The following LNX2 variants were observed in gnomAD, a reference collection of about 807,000 sequenced individuals.
LNX2 encodes the protein ligand of numb-protein X 2, also known as ligand of Numb protein X 2.
Under a neutral mutation model 66.2 loss-of-function variants are expected in LNX2, and 35 were observed. The ratio of observed to expected loss-of-function variants is 0.53; its 90% CI spans 0.40 to 0.70. LNX2 has a LOEUF of 0.70. Among genes scored for constraint, LNX2 ranks in the 30% least tolerant of loss-of-function variants. LNX2 has a pLI of 0.00. For synonymous variants in LNX2, 337 were observed against 315.6 expected, an observed-to-expected ratio of 1.07 and a Z score of -0.72; for missense variants, 791 against 850.8, an observed-to-expected ratio of 0.93 and a Z score of 0.87.
intron 7 of LNX2, 130 bp downstream of exon 7, chr13:27,556,106 T>C (rs1016245278): frequency 2.3e-6 from 2 of 851,962 alleles, no homozygotes. Flanking sequence ...TGCTTCCATA[T>C]GCAAGGGACA....
chr13:27,565,490 G>T (rs1040448158), intron 4 of LNX2, among the ~76,000 whole-genome samples: 1 of 152,170 alleles, frequency 6.6e-6, no homozygotes, highest in African/African-American at 2.4e-5. Flanking sequence ...GAAATGAGCT[G>T]TAAGAGTCGC....
chr13:27,571,389 A>G (rs181320996), intron 2 of LNX2, among the ~76,000 whole-genome samples: 1 of 152,352 alleles, frequency 6.6e-6, no homozygotes, highest in Non-Finnish European at 1.5e-5. Context: ...CCCAGATTAT[A>G]CTACAAACAT....
intron 1 of LNX2, among the ~76,000 whole-genome samples, chr13:27,604,176 G>A (rs1182255494): frequency 6.6e-6 from 1 of 152,232 alleles, no homozygotes; most frequent in Non-Finnish European, 1.5e-5. Flanking sequence ...AACCCGGGAG[G>A]TGGAGCTTGC....
chr13:27,581,375 A>G lies in LNX2; in HGVS notation c.329T>C (p.Leu110Ser). The change falls in exon 2 of 10, where the codon TTA (leucine) becomes TCA (serine). Residue 110 changes from leucine (L) to serine (S), a missense_variant. Physicochemically the swap from Leu to Ser is moderately radical, Grantham distance 145. Transcript: ENST00000316334. ...SILVHKLLDK[L>S]LVLCPFSSVC... Reference sequence around the variant, plus strand: ...TGAAGAAAATGGACATAAAACTAATAATTTGTCTAGGAGTTTATGAACTAG... The same window carrying G: ...TGAAGAAAATGGACATAAAACTAATGATTTGTCTAGGAGTTTATGAACTAG... The G allele has an allele frequency of 1.3e-6, 2 of 1,580,588 alleles. No individual in the cohort carries two copies. Among genetic ancestry groups the G allele is most frequent in the Non-Finnish European group, 1.7e-6 (2 of 1,159,306 alleles).
At chr13:27,583,262 G>GTC (rs1955442162) in intron 1 of LNX2, among the ~76,000 whole-genome samples, 1 of 13,408 alleles carries the variant, frequency 7.5e-5, no homozygotes, top group Non-Finnish European at 1.3e-4. Context: ...GTGTGCGCGC[G>GTC]TCCTCTCCAA....
chr13:27,590,907 A>G (rs1398609801), intron 1 of LNX2, among the ~76,000 whole-genome samples: 3 of 152,216 alleles, frequency 2.0e-5, no homozygotes, highest in African/African-American at 4.8e-5. Context: ...CAATAATTTA[A>G]AAAGCATATT....
chr13:27,606,378 G>GAAA (rs61005685), intron 1 of LNX2, among the ~76,000 whole-genome samples: 2 of 118,144 alleles, frequency 1.7e-5, no homozygotes, highest in African/African-American at 3.4e-5. Flanking sequence ...GATTTATAGC[G>GAAA]AAAAAAAAAA....
chr13:27,587,733 G>C (rs1385008912), intron 1 of LNX2, among the ~76,000 whole-genome samples: 6 of 152,176 alleles, frequency 3.9e-5, no homozygotes. Flanking sequence ...GTATAAAGCA[G>C]TGCTGTCGCC....
intron 1 of LNX2, among the ~76,000 whole-genome samples, chr13:27,612,447 G>A (rs1331586547): frequency 6.6e-6 from 1 of 152,188 alleles, no homozygotes. Context: ...AGTCTTCAGT[G>A]ATACCCCACT....
chr13:27,564,512 TAGC>T (rs1420698165), intron 4 of LNX2, among the ~76,000 whole-genome samples: 1 of 152,188 alleles, frequency 6.6e-6, no homozygotes, highest in Non-Finnish European at 1.5e-5. Context: ...TAATTTATAA[TAGC>T]AGTATTTTTT....
intron 3 of LNX2, 55 bp from the exon 4 acceptor site, chr13:27,567,894 C>T (rs1566119334): frequency 7.1e-7 from 1 of 1,406,764 alleles, no homozygotes; most frequent in African/African-American, 1.4e-5. Flanking sequence ...ATAAACAAAC[C>T]CAACAATTTA....
intron 2 of LNX2, among the ~76,000 whole-genome samples, chr13:27,577,056 T>A (rs150075229): frequency 7.9e-4 from 121 of 152,308 alleles, no homozygotes; most frequent in African/African-American, 2.8e-3. Context: ...AAGGGTCTAG[T>A]ATCCAGAATA....
intron 9 of LNX2, among the ~76,000 whole-genome samples, chr13:27,549,727 T>C (rs1367615114): frequency 1.3e-5 from 2 of 152,262 alleles, no homozygotes; most frequent in East Asian, 1.9e-4. Context: ...TGTACATTCA[T>C]TCATCAAATA....
rs1474134804 is a variant in LNX2 at position 27,548,328 on chromosome 13, C to T, written c.*7G>A. ...AAGATGCAAGATTTGAAACCAATTT[C>T]CAAAATCTATACAAGGCTGCCAGGC... is the stretch of plus-strand genomic sequence containing the variant. On this transcript the variant is annotated 3_prime_UTR_variant, in exon 10 of 10. Transcript: ENST00000316334. 1.3e-6 allele frequency: 2 copies of T among 1,592,450 alleles called. No homozygotes were observed. The highest frequency in any genetic ancestry group is 8.5e-7 in the Non-Finnish European group (1 of 1,173,092).
At chr13:27,612,147 C>G (rs1403083597) in intron 1 of LNX2, among the ~76,000 whole-genome samples, 1 of 152,222 alleles carries the variant, frequency 6.6e-6, no homozygotes, top group African/African-American at 2.4e-5. Flanking sequence ...ACCAGATTAT[C>G]TGCAGACTAT....
Position 27,548,482 on chromosome 13 carries a change from G to C in LNX2, c.1938-12C>G. The C allele has an allele frequency of 6.2e-7, 1 of 1,606,750 alleles. No homozygotes were observed. The highest frequency in any genetic ancestry group is 8.5e-7 in the Non-Finnish European group (1 of 1,177,702). On this transcript the variant is annotated splice_polypyrimidine_tract_variant and intron_variant, in intron 9 of 9. Transcript: ENST00000316334. ...TCATGTCACCACACCTGGACAAAGA[G>C]AGACAGATACAGAATGTTACTATTT...
chr13:27,577,820 G>C (rs988577978), intron 2 of LNX2, among the ~76,000 whole-genome samples: 2 of 152,192 alleles, frequency 1.3e-5, no homozygotes, highest in African/African-American at 4.8e-5. Flanking sequence ...ATTACCAAAG[G>C]CTTAAATGTT....
At chr13:27,603,170 T>C (rs1056032002) in intron 1 of LNX2, among the ~76,000 whole-genome samples, 2 of 152,220 alleles carry the variant, frequency 1.3e-5, no homozygotes, top group African/African-American at 4.8e-5. Flanking sequence ...ATACCAACAA[T>C]TTATGGCTCA....
chr13:27,606,871 T>C (rs1955722674), intron 1 of LNX2, among the ~76,000 whole-genome samples: 2 of 152,184 alleles, frequency 1.3e-5, no homozygotes, highest in African/African-American at 2.4e-5. Context: ...GGTTCTTATA[T>C]ACATGATTAA....
Sources: allele counts gnomAD v4.1 joint callset (sites outside exome capture counted in the v4.1 genomes callset), GRCh38; gene constraint gnomAD v4.1.1; transcripts MANE v1.5; gene names NCBI Gene and HGNC (gene_info 2026-07-23, HGNC 2026-07-21).